ADGRL1: variants seen among roughly 807,000 people sequenced by gnomAD.
ADGRL1 encodes adhesion G protein-coupled receptor L1.
In ADGRL1, 31 loss-of-function variants were observed where a neutral mutation model predicts 148.9. The ratio of observed to expected loss-of-function variants is 0.21; its 90% confidence interval spans 0.16 to 0.28. The LOEUF is 0.28. Ranked by LOEUF, ADGRL1 falls within the 10% of genes least tolerant of loss-of-function variation. ADGRL1 has a pLI of 1.00. For missense variants in ADGRL1, 1,521 were observed against 2,058.8 expected (o/e 0.74, Z 5.05); for synonymous variants, 937 against 900.3 (o/e 1.04, Z -0.73).
chr19:14,183,846 G>C (rs1971392989), intron 1 of ADGRL1, 149 bp from the exon 2 acceptor site: 1 of 537,412 alleles, frequency 1.9e-6, no homozygotes, highest in Admixed American at 3.5e-5. Context: ...GGGGTCTGCA[G>C]CTCACACCAC....
chr19:14,156,310 T>C, intron 16 of ADGRL1, 109 bp from the exon 17 acceptor site: 1 of 869,950 alleles, frequency 1.1e-6, no homozygotes, highest in Non-Finnish European at 1.9e-6. Flanking sequence ...CCCTCGCCTC[T>C]GCTGGGAGAA....
At chr19:14,191,721 G>A (rs1002528217) in intron 1 of ADGRL1, among the ~76,000 whole-genome samples, 3 of 150,852 alleles carry the variant, frequency 2.0e-5, no homozygotes, top group African/African-American at 4.9e-5. Context: ...TCTGAGACAA[G>A]GTCTGGCTCT....
At position 14,151,460 on chromosome 19, in the gene ADGRL1, A is replaced by G; in HGVS notation, c.3823T>C (p.Phe1275Leu). The change falls in exon 23 of 23, where the codon TTT becomes CTT. Residue 1275 changes from phenylalanine (F) to leucine (L), a missense_variant. Physicochemically the swap from Phe to Leu is conservative, Grantham distance 22. Coordinates refer to ENST00000361434, the MANE Select transcript of ADGRL1 (RefSeq NM_014921.5). ...RGRNLADAAA[F>L]EKMIISELVH... ...AGCTCTGAGATGATCATCTTCTCAAAGGCCGCCGCATCGGCTAGGTTCCGG... is the reference window on the plus strand; with the variant it reads ...AGCTCTGAGATGATCATCTTCTCAAGGGCCGCCGCATCGGCTAGGTTCCGG... 1.2e-6 allele frequency: 2 copies of G among 1,612,760 alleles called. No homozygotes were observed. Among genetic ancestry groups the G allele is most frequent in the Non-Finnish European group, 1.7e-6 (2 of 1,179,632 alleles).
At chr19:14,189,698 C>A (rs1469097490) in intron 1 of ADGRL1, among the ~76,000 whole-genome samples, 1 of 152,182 alleles carries the variant, frequency 6.6e-6, no homozygotes, top group African/African-American at 2.4e-5. Flanking sequence ...GGCTGTTGCA[C>A]AGAAGGATCC....
Position 14,159,922 on chromosome 19 carries a change from C to T in ADGRL1, c.1801-149G>A, listed in dbSNP as rs1049958244. ...CAAGACATTCCTCAGGGATCCCCAACCCCCAGGACCATCCGGGGCAGCACA... is the reference window on the plus strand; with the variant it reads ...CAAGACATTCCTCAGGGATCCCCAATCCCCAGGACCATCCGGGGCAGCACA... On this transcript the variant is annotated intron_variant, in intron 8 of 22. Coordinates refer to ENST00000361434, the MANE Select transcript of ADGRL1 (RefSeq NM_014921.5). This position sits in a 1 kb window ranked among gnomAD's most constrained non-coding sequence, Gnocchi z 6.0. 3.4e-5 allele frequency: 34 copies of T among 989,304 alleles called. No individual in the cohort carries two copies. The highest frequency in any genetic ancestry group is 5.1e-5 in the Non-Finnish European group (33 of 644,424). The allele number at this position is 989,304 out of a possible 1,614,324, so 61.3% of individuals were successfully genotyped here.
In ADGRL1 at chr19:14,160,728, G is replaced by A. The variant is rs1969271398; in HGVS notation, c.1511-32C>T. On this transcript the variant is annotated intron_variant, in intron 6 of 22. Transcript: ENST00000361434. The surrounding 1 kb of genome is among the most constrained non-coding windows in gnomAD (Gnocchi z 5.9). ...GGACAGACAGACAGGAACAGACAAGGGAGCCAAAGGGAAGAAGAGAAGGAT... is the reference window on the plus strand; with the variant it reads ...GGACAGACAGACAGGAACAGACAAGAGAGCCAAAGGGAAGAAGAGAAGGAT... 1 of 1,271,480 alleles carries A rather than the reference G, an allele frequency of 7.9e-7. No individual in the cohort carries two copies. Among genetic ancestry groups the A allele is most frequent in the South Asian group, 1.2e-5 (1 of 82,376 alleles). 78.8% of individuals were successfully genotyped at this position (1,271,480 alleles called of 1,614,324 possible).
rs942484262 is a variant in ADGRL1 at position 14,150,053 on chromosome 19, C to G, written c.*820G>C. 1 of 152,138 alleles carries G rather than the reference C, an allele frequency of 6.6e-6. No individual in the cohort carries two copies. Among genetic ancestry groups the G allele is most frequent in the African/African-American group, 2.4e-5 (1 of 41,326 alleles). 9.4% of individuals were successfully genotyped at this position (152,138 alleles called of 1,614,324 possible). On this transcript the variant is annotated 3_prime_UTR_variant, in exon 23 of 23. Transcript: ENST00000361434. Reference sequence around the variant, plus strand: ...AAAGATCCAAGCCCAGGACCCACTCCCCAGGGAGATCCAGACCCAAAATCT... The same window carrying G: ...AAAGATCCAAGCCCAGGACCCACTCGCCAGGGAGATCCAGACCCAAAATCT...
At position 14,152,708 on chromosome 19, in the gene ADGRL1, T is replaced by C; in HGVS notation, c.3423+76A>G. 1 of 1,599,792 alleles carries C rather than the reference T, an allele frequency of 6.3e-7. No individual in the cohort carries two copies. Among genetic ancestry groups the C allele is most frequent in the East Asian group, 2.2e-5 (1 of 44,662 alleles). On this transcript the variant is annotated intron_variant, in intron 19 of 22. Coordinates refer to ENST00000361434, the MANE Select transcript of ADGRL1 (RefSeq NM_014921.5). This position sits in a 1 kb window ranked among gnomAD's most constrained non-coding sequence, Gnocchi z 6.1. Reference sequence around the variant, plus strand: ...CACCTGATCATCACGATCAGAAACCTAGGCCAAGCCACTCCCCACCTCTCA... The same window carrying C: ...CACCTGATCATCACGATCAGAAACCCAGGCCAAGCCACTCCCCACCTCTCA...
rs1000259042 is a variant in ADGRL1, at chr19:14,160,798, C to T, written c.1511-102G>A. On this transcript the variant is annotated intron_variant, in intron 6 of 22. Transcript: ENST00000361434. This position sits in a 1 kb window ranked among gnomAD's most constrained non-coding sequence, Gnocchi z 5.9. ...GAGATGACAGAGAGTGGGGGACGAG[C>T]GGGCGAAGAGGGAGGTGAGGGAAAC... 13 of 738,664 alleles carry T rather than the reference C, an allele frequency of 1.8e-5. No individual in the cohort carries two copies. The highest frequency in any genetic ancestry group is 1.2e-4 in the African/African-American group (7 of 58,176). The allele number at this position is 738,664 out of a possible 1,614,324, so 45.8% of individuals were successfully genotyped here.
intron 4 of ADGRL1, chr19:14,166,941 G>A (rs1026348229): frequency 6.4e-5 from 92 of 1,443,914 alleles, no homozygotes; most frequent in Non-Finnish European, 8.6e-5. Context: ...GGCCGGGGGA[G>A]GGCAGGTCAC....
At chr19:14,170,614 A>G (rs1970385599) in intron 4 of ADGRL1, 68 bp downstream of exon 4, 1 of 933,190 alleles carries the variant, frequency 1.1e-6, no homozygotes, top group African/African-American at 1.6e-5. Flanking sequence ...GTGATGGGTC[A>G]AGGTGTCTCC....
chr19:14,191,592 C>T (rs976989001), intron 1 of ADGRL1: 5 of 388,338 alleles, frequency 1.3e-5, no homozygotes, highest in South Asian at 1.9e-5. Context: ...AAGGTGCCAG[C>T]GAATTCAGTT....
At position 14,160,115 on chromosome 19, in the gene ADGRL1, G is replaced by C; in HGVS notation, c.1797C>G (p.Asn599Lys). Residue 599 changes from asparagine to lysine, a missense_variant, in exon 8 of 23, where the codon AAC becomes AAG. This residue lies in a region of ADGRL1 where 265 missense variants were observed against 431.9 expected (regional missense o/e 0.61). Coordinates refer to ENST00000361434, the MANE Select transcript of ADGRL1 (RefSeq NM_014921.5). The surrounding 1 kb of genome is among the most constrained non-coding windows in gnomAD (Gnocchi z 5.9). ...CAGCGCCACCGCCAGGCCCCACCTT[G>C]TTGTAGTTCTTGCCGGCTGACTCGC... ...IERESAGKNYNKMHKRERTCK... is the reference protein window; with the variant it reads ...IERESAGKNYKKMHKRERTCK... 6.3e-7 allele frequency: 1 copy of C among 1,581,084 alleles called. No homozygotes were observed. Among genetic ancestry groups the C allele is most frequent in the Non-Finnish European group, 8.7e-7 (1 of 1,154,762 alleles).
chr19:14,160,589 G>C lies in ADGRL1; in HGVS notation c.1614+4C>G. 1 of 1,597,976 alleles carries C rather than the reference G, an allele frequency of 6.3e-7. No individual in the cohort carries two copies. The highest frequency in any genetic ancestry group is 8.5e-7 in the Non-Finnish European group (1 of 1,172,020). ...GCCTGCCTGCGAGGGGTGGTGGCTG[G>C]TACCTTCTGGGCCACCTGGTTGACC... is the stretch of plus-strand genomic sequence containing the variant. On this transcript the variant is annotated splice_donor_region_variant and intron_variant, in intron 7 of 22. Coordinates refer to ENST00000361434, the MANE Select transcript of ADGRL1 (RefSeq NM_014921.5). This position sits in a 1 kb window ranked among gnomAD's most constrained non-coding sequence, Gnocchi z 5.9.
chr19:14,188,755 G>A (rs560634017), intron 1 of ADGRL1, among the ~76,000 whole-genome samples: 35 of 152,288 alleles, frequency 2.3e-4, no homozygotes, highest in African/African-American at 8.4e-4. Context: ...GGCTCTCCTG[G>A]CAGCCAGAGG....
intron 1 of ADGRL1, among the ~76,000 whole-genome samples, chr19:14,205,701 C>T (rs999858514): frequency 1.3e-5 from 2 of 151,408 alleles, no homozygotes; most frequent in Non-Finnish European, 3.0e-5. Flanking sequence ...GCGGTCCCCT[C>T]CCCCCGCCAG....
intron 1 of ADGRL1, among the ~76,000 whole-genome samples, chr19:14,187,369 C>T (rs1599496288): frequency 1.3e-5 from 2 of 152,036 alleles, no homozygotes; most frequent in African/African-American, 4.8e-5. Context: ...TCGGCACAGG[C>T]CCTCAATAAA....
Position 14,160,417 on chromosome 19 carries a change from C to A in ADGRL1, c.1615-120G>T. 1 of 1,021,420 alleles carries A rather than the reference C, an allele frequency of 9.8e-7. No individual in the cohort carries two copies. The highest frequency in any genetic ancestry group is 1.6e-5 in the South Asian group (1 of 61,218). The allele number at this position is 1,021,420 out of a possible 1,614,324, so 63.3% of individuals were successfully genotyped here. On this transcript the variant is annotated intron_variant, in intron 7 of 22. Transcript: ENST00000361434. The surrounding 1 kb of genome is among the most constrained non-coding windows in gnomAD (Gnocchi z 5.9). ...TCTCTCTCCACTTCCCCATCGCCATCTGCCCCTTCCCACCCCATCTGTCCC... is the reference window on the plus strand; with the variant it reads ...TCTCTCTCCACTTCCCCATCGCCATATGCCCCTTCCCACCCCATCTGTCCC...
intron 1 of ADGRL1, among the ~76,000 whole-genome samples, chr19:14,205,367 C>G (rs1365774927): frequency 6.6e-6 from 1 of 151,872 alleles, no homozygotes; most frequent in Non-Finnish European, 1.5e-5. Context: ...GCACCCCCTC[C>G]TCCTGACAGC....
Sources: allele counts gnomAD v4.1 joint callset (sites outside exome capture counted in the v4.1 genomes callset), GRCh38; gene constraint gnomAD v4.1.1; regional missense constraint gnomAD v4.1.1; non-coding constraint Gnocchi (gnomAD v3.1); transcripts MANE v1.5; gene names NCBI Gene and HGNC (gene_info 2026-07-23, HGNC 2026-07-21).